Variants in SAMD3 observed in about 807,000 individuals in gnomAD.
SAMD3 encodes sterile alpha motif domain-containing protein 3.
A neutral mutation model predicts 58.5 loss-of-function variants in SAMD3; 63 were observed. That is an observed-to-expected ratio of 1.08 (90% CI 0.88 to 1.33). The LOEUF (loss-of-function observed/expected upper bound fraction) is 1.33. Ranked by LOEUF, SAMD3 falls within the 40% of genes most tolerant of loss-of-function variation. The pLI is 0.00. For synonymous variants in SAMD3, 220 were observed against 210.3 expected (o/e 1.05, Z -0.40); for missense variants, 604 against 608.4 (o/e 0.99, Z 0.08).
intron 8 of SAMD3, among the ~76,000 whole-genome samples, chr6:130,163,426 A>G (rs960652656): frequency 1.3e-5 from 2 of 152,180 alleles, no homozygotes; most frequent in African/African-American, 4.8e-5. Context: ...CTTGGAAATG[A>G]TGTACCCCCT....
At chr6:130,204,304 C>T (rs775269390) in intron 5 of SAMD3, among the ~76,000 whole-genome samples, 3 of 152,152 alleles carry the variant, frequency 2.0e-5, no homozygotes, top group Non-Finnish European at 4.4e-5. Context: ...GCAAAAAAAG[C>T]TCTTCCCAAA....
At chr6:130,347,349 T>C (rs1272925334) in intron 1 of SAMD3, among the ~76,000 whole-genome samples, 1 of 151,910 alleles carries the variant, frequency 6.6e-6, no homozygotes, top group Non-Finnish European at 1.5e-5. Context: ...GACAAACGGC[T>C]AACTAGAATA....
chr6:130,363,244 G>T lies in SAMD3; in HGVS notation c.-304+1876C>A, dbSNP rs1467633371. Among the ~76,000 whole-genome samples, 3 of 152,100 alleles carry T rather than the reference G, an allele frequency of 2.0e-5. No homozygotes were observed. In the South Asian group the frequency reaches 6.2e-4, roughly 32 times the overall value. On this transcript the variant is annotated intron_variant, in intron 1 of 13. Coordinates refer to the SAMD3 transcript ENST00000368134. ...CTTCTCAGGCCTAAAAATGCTATGG[G>T]CTACATTTAAGGCAAGAGGAAATGA... is the stretch of plus-strand genomic sequence containing the variant.
At chr6:130,146,617 GTATCCTAAAT>G (rs1257699228) in intron 9 of SAMD3, among the ~76,000 whole-genome samples, 1 of 152,154 alleles carries the variant, frequency 6.6e-6, no homozygotes, top group Non-Finnish European at 1.5e-5. Context: ...CTTAACCATA[GTATCCTAAAT>G]TTAGGTAAAG....
At chr6:130,242,718 C>G (rs993878275) in intron 2 of SAMD3, among the ~76,000 whole-genome samples, 1 of 152,176 alleles carries the variant, frequency 6.6e-6, no homozygotes, top group Non-Finnish European at 1.5e-5. Flanking sequence ...AAAGAGCTCT[C>G]CCTCTGCTCA....
intron 6 of SAMD3, 61 bp from the exon 7 acceptor site, chr6:130,184,248 G>A: frequency 7.3e-7 from 1 of 1,370,952 alleles, no homozygotes; most frequent in Non-Finnish European, 1.0e-6. Flanking sequence ...CTTCCTTTAA[G>A]ATGAGTCTAA....
chr6:130,150,391 G>A (rs1201912378), intron 9 of SAMD3, among the ~76,000 whole-genome samples: 1 of 152,152 alleles, frequency 6.6e-6, no homozygotes, highest in African/African-American at 2.4e-5. Flanking sequence ...ATGGGTCCAG[G>A]AACCAAGAGT....
rs534507236 is a variant in SAMD3, at chr6:130,220,995, G to A, written c.-68+1699C>T. On this transcript the variant is annotated intron_variant, in intron 1 of 11. Coordinates refer to ENST00000439090, the MANE Select transcript of SAMD3 (RefSeq NM_001017373.4). The stretch of plus-strand genomic sequence containing the variant: ...CAACCTCCCGAGTAGCTGGGACTAC[G>A]GGTGCCCACCACCACGCCCAGCTAA... Among the ~76,000 whole-genome samples, 24 of 152,070 alleles carry A rather than the reference G, an allele frequency of 1.6e-4. No homozygotes were observed. In the East Asian group the frequency reaches 2.3e-3, roughly 15 times the overall value.
In SAMD3 at chr6:130,338,953, G is replaced by C. The variant is rs370667759; in HGVS notation, c.-303-25860C>G. On this transcript the variant is annotated intron_variant, in intron 1 of 13. Transcript: ENST00000368134. ...AGGGACTGTTGGGAAGGCATGATTG[G>C]TTTTGAAATGTAAAAAGGATGTGAG... 9.9e-5 allele frequency among the ~76,000 whole-genome samples: 15 copies of C among 152,282 alleles called. No homozygotes were observed. The East Asian group carries it at 1.2e-3, about 12-fold the overall frequency.
chr6:130,298,145 T>C (rs767902473), intron 2 of SAMD3, among the ~76,000 whole-genome samples: 1 of 152,072 alleles, frequency 6.6e-6, no homozygotes, highest in Non-Finnish European at 1.5e-5. Context: ...AGGGTCAAAA[T>C]TACCTATAAA....
At chr6:130,260,728 A>G (rs1774094701) in intron 2 of SAMD3, among the ~76,000 whole-genome samples, 1 of 152,164 alleles carries the variant, frequency 6.6e-6, no homozygotes. Flanking sequence ...AGCCCAAGCC[A>G]TGCGGATCCT....
intron 1 of SAMD3, among the ~76,000 whole-genome samples, chr6:130,346,257 C>T (rs562489765): frequency 6.6e-6 from 1 of 152,322 alleles, no homozygotes; most frequent in South Asian, 2.1e-4. Context: ...CGAGCATGAG[C>T]TGAAGCAGGG....
At chr6:130,215,778 C>T in intron 2 of SAMD3, 1 of 1,527,362 alleles carries the variant, frequency 6.5e-7, no homozygotes. Flanking sequence ...CTGGTTAACC[C>T]CTTAGTAGAC....
At chr6:130,322,322 G>A (rs891160142) in intron 1 of SAMD3, among the ~76,000 whole-genome samples, 7 of 152,160 alleles carry the variant, frequency 4.6e-5, no homozygotes, top group Non-Finnish European at 7.3e-5. Context: ...AGTACAGGTC[G>A]AGGCATCAAG....
At chr6:130,278,847 G>A (rs1467610880) in intron 2 of SAMD3, among the ~76,000 whole-genome samples, 1 of 152,184 alleles carries the variant, frequency 6.6e-6, no homozygotes, top group African/African-American at 2.4e-5. Flanking sequence ...CCTACTGCAC[G>A]CTCTGACCTT....
At position 130,158,943 on chromosome 6, in the gene SAMD3, G is replaced by T. The variant is rs1168834745; in HGVS notation, c.823-3918C>A. ...ACTCTATGCAAATGTCTGATTGGTTGTGGGAAGGGACCAGAGGCTGAAGTG... is the reference window on the plus strand; with the variant it reads ...ACTCTATGCAAATGTCTGATTGGTTTTGGGAAGGGACCAGAGGCTGAAGTG... On this transcript the variant is annotated intron_variant, in intron 8 of 11. Coordinates refer to ENST00000439090, the MANE Select transcript of SAMD3 (RefSeq NM_001017373.4). 4.6e-5 allele frequency among the ~76,000 whole-genome samples: 7 copies of T among 152,304 alleles called. No homozygotes were observed. The East Asian group carries it at 1.2e-3, about 25-fold the overall frequency.
At chr6:130,335,275 C>G (rs1777065086) in intron 1 of SAMD3, among the ~76,000 whole-genome samples, 1 of 152,146 alleles carries the variant, frequency 6.6e-6, no homozygotes, top group Non-Finnish European at 1.5e-5. Flanking sequence ...TAGTATAGCC[C>G]TGATCCCAAC....
At chr6:130,350,628 G>A (rs372041082) in intron 1 of SAMD3, among the ~76,000 whole-genome samples, 28 of 152,310 alleles carry the variant, frequency 1.8e-4, no homozygotes, top group East Asian at 1.5e-3. Flanking sequence ...AATCAGTATC[G>A]TGAAAATGGC....
In SAMD3 at chr6:130,325,357, G is replaced by A. The variant is rs531937617; in HGVS notation, c.-303-12264C>T. Among the ~76,000 whole-genome samples, 5 of 152,302 alleles carry A rather than the reference G, an allele frequency of 3.3e-5. No individual in the cohort carries two copies. The East Asian group carries it at 9.7e-4, about 29-fold the overall frequency. On this transcript the variant is annotated intron_variant, in intron 1 of 13. Transcript: ENST00000368134. Reference sequence around the variant, plus strand: ...CCTGCTGCAAACTCCAGAGTCTGAAGGCTGGAGAACCTGGAGGTCTGATGT... The same window carrying A: ...CCTGCTGCAAACTCCAGAGTCTGAAAGCTGGAGAACCTGGAGGTCTGATGT...
Sources: gnomAD v4.1 joint callset for allele counts (sites outside exome capture counted in the v4.1 genomes callset) on GRCh38, gnomAD v4.1.1 for gene constraint, MANE v1.5 for transcripts, NCBI Gene and HGNC (gene_info 2026-07-23, HGNC 2026-07-21) for gene names.